USH2A: variants seen among roughly 807,000 people sequenced by gnomAD.
The protein encoded by USH2A is usherin.
Under a neutral mutation model 538.9 loss-of-function variants are expected in USH2A, and 443 were observed. The observed-to-expected ratio is 0.82, with a 90% confidence interval of 0.76 to 0.89. The LOEUF is 0.89. USH2A is among the 40% of genes least tolerant of loss of function. The probability of loss-of-function intolerance (pLI) is 0.00; values close to 1 mark genes in which losing one functional copy is unlikely to be tolerated. For synonymous variants in USH2A, 2,413 were observed against 2,273.5 expected (o/e 1.06, Z -1.75); for missense variants, 6,633 against 6,324.8 (o/e 1.05, Z -1.65).
chr1:215,838,126 A>C (rs1207179815), intron 46 of USH2A, 23 bp from the exon 47 acceptor site: 19 of 1,576,814 alleles, frequency 1.2e-5, no homozygotes, highest in African/African-American at 2.7e-5. Flanking sequence ...GTTTAGAAAA[A>C]ATAAATGCAA....
intron 11 of USH2A, among the ~76,000 whole-genome samples, chr1:216,269,610 G>A (rs2036538290): frequency 6.6e-6 from 1 of 152,102 alleles, no homozygotes; most frequent in Admixed American, 6.6e-5. Flanking sequence ...ACTCAATTAA[G>A]TTTAAGGCAT....
chr1:216,245,998 G>A (rs2036035787), intron 13 of USH2A, among the ~76,000 whole-genome samples: 1 of 152,162 alleles, frequency 6.6e-6, no homozygotes, highest in Non-Finnish European at 1.5e-5. Flanking sequence ...AATCTTAAAT[G>A]TAAGGAGAGC....
intron 64 of USH2A, among the ~76,000 whole-genome samples, chr1:215,658,854 G>A (rs1439484687): frequency 6.6e-6 from 1 of 152,164 alleles, no homozygotes; most frequent in African/African-American, 2.4e-5. Context: ...TACCCTAATG[G>A]ATATAGCATT....
chr1:215,719,002 G>T (rs1220037598), intron 61 of USH2A, among the ~76,000 whole-genome samples: 4 of 152,204 alleles, frequency 2.6e-5, no homozygotes, highest in Non-Finnish European at 5.9e-5. Flanking sequence ...CCAGAAAATA[G>T]CAACATACTT....
At position 216,421,927 on chromosome 1, in the gene USH2A, G is replaced by GA. The variant is rs1571805164; in HGVS notation, c.409dup (p.Ser137PhefsTer21). On this transcript the variant is annotated frameshift_variant, in exon 2 of 72. Coordinates refer to ENST00000307340, the MANE Select transcript of USH2A (RefSeq NM_206933.4). LOFTEE classifies it high-confidence loss of function. ...CATCAGCTTTGGAGAAGGAGGAGAA[G>GA]AAAAGCAGCTCTTGTGATTTCCAAA... 6.2e-7 allele frequency: 1 copy of GA among 1,613,960 alleles called. No homozygotes were observed. The highest frequency in any genetic ancestry group is 8.5e-7 in the Non-Finnish European group (1 of 1,179,898).
Position 215,675,467 on chromosome 1 carries a change from C to G in USH2A, c.12444G>C (p.Leu4148=), listed in dbSNP as rs982341026. 4 of 1,613,954 alleles carry G rather than the reference C, an allele frequency of 2.5e-6. No individual in the cohort carries two copies. Among genetic ancestry groups the G allele is most frequent in the African/African-American group, 1.3e-5 (1 of 74,906 alleles). Residue 4148 remains leucine (L), a synonymous_variant, in exon 63 of 72, where the codon CTG becomes CTC. Coordinates refer to ENST00000307340, the MANE Select transcript of USH2A (RefSeq NM_206933.4). ...AGCAHSAPQP[L]WTDEAPPDSQ... is the part of the protein sequence containing the mutation. ...AGTCTGGAGGGGCTTCATCTGTCCA[C>G]AGAGGCTGAGGCGCCGAGTGTGCAC...
chr1:216,054,154 TG>T (rs1424016874), intron 30 of USH2A, among the ~76,000 whole-genome samples: 1 of 152,166 alleles, frequency 6.6e-6, no homozygotes, highest in Non-Finnish European at 1.5e-5. Context: ...ACTTGACGGG[TG>T]ACTGAAAATT....
chr1:216,377,569 T>G (rs1184807156), intron 3 of USH2A, among the ~76,000 whole-genome samples: 1 of 151,896 alleles, frequency 6.6e-6, no homozygotes, highest in Non-Finnish European at 1.5e-5. Flanking sequence ...TGGTAATTAC[T>G]CTTGAAAATA....
intron 32 of USH2A, among the ~76,000 whole-genome samples, chr1:216,009,090 C>T (rs1308862164): frequency 2.0e-5 from 3 of 151,964 alleles, no homozygotes; most frequent in African/African-American, 7.3e-5. Flanking sequence ...CTTATCTCTG[C>T]ACCCCAATCC....
chr1:215,906,051 G>GTCATTGAC (rs1665632663), intron 38 of USH2A, among the ~76,000 whole-genome samples: 1 of 152,022 alleles, frequency 6.6e-6, no homozygotes, highest in South Asian at 2.1e-4. Flanking sequence ...GAGTCATTGA[G>GTCATTGAC]TCATGAACAA....
chr1:216,227,615 C>T (rs1288885893), intron 14 of USH2A, among the ~76,000 whole-genome samples: 2 of 152,072 alleles, frequency 1.3e-5, no homozygotes, highest in Middle Eastern at 3.2e-3. Flanking sequence ...GGCAAAAATA[C>T]ACAGGATTTT....
rs761091135 is a variant in USH2A at position 216,232,278 on chromosome 1, AGT to A, written c.2810-144_2810-143del. ...ACAAATGTGGTTATATCTGTCCTTC[AGT>A]GTGTCAATTATGACCAAAGAAAAAC... On this transcript the variant is annotated intron_variant, in intron 13 of 71. Coordinates refer to ENST00000307340, the MANE Select transcript of USH2A (RefSeq NM_206933.4). 8.0e-5 allele frequency: 78 copies of A among 980,682 alleles called. 3 individuals are homozygous for A. Among genetic ancestry groups the A allele is most frequent in the Admixed American group, 2.3e-4 (8 of 35,168 alleles). 60.7% of individuals were successfully genotyped at this position (980,682 alleles called of 1,614,324 possible).
chr1:215,631,167 G>A (rs923784596), intron 70 of USH2A, among the ~76,000 whole-genome samples: 2 of 152,084 alleles, frequency 1.3e-5, no homozygotes, highest in African/African-American at 2.4e-5. Context: ...TTCACAAGAC[G>A]GGTGCTTGGA....
At chr1:215,983,109 C>A (rs1419385344) in intron 35 of USH2A, among the ~76,000 whole-genome samples, 1 of 152,106 alleles carries the variant, frequency 6.6e-6, no homozygotes, top group Non-Finnish European at 1.5e-5. Flanking sequence ...TGCCACCATG[C>A]CCAGATAATT....
intron 27 of USH2A, among the ~76,000 whole-genome samples, chr1:216,076,544 A>G (rs1164180848): frequency 1.3e-5 from 2 of 152,020 alleles, no homozygotes; most frequent in Non-Finnish European, 2.9e-5. Flanking sequence ...CCAGAAGCAA[A>G]CAGGATTAAG....
intron 3 of USH2A, among the ~76,000 whole-genome samples, chr1:216,401,957 CTA>C (rs1386136721): frequency 2.0e-5 from 3 of 152,036 alleles, no homozygotes; most frequent in Non-Finnish European, 2.9e-5. Context: ...GTACTTAGTT[CTA>C]TTTATAAGAG....
intron 38 of USH2A, among the ~76,000 whole-genome samples, chr1:215,926,797 G>C (rs543949526): frequency 1.3e-5 from 2 of 151,840 alleles, no homozygotes; most frequent in South Asian, 4.2e-4. Context: ...TGGTAGCGAT[G>C]GGGTTTCTCT....
rs73094408 is a variant in USH2A at position 216,001,326 on chromosome 1, T to A, written c.6326-764A>T. ...TTTGAATGAATGAATAATTAATGAATGAAACGAGCTAGGTCTGAAAGATGA... is the reference window on the plus strand; with the variant it reads ...TTTGAATGAATGAATAATTAATGAAAGAAACGAGCTAGGTCTGAAAGATGA... On this transcript the variant is annotated intron_variant, in intron 32 of 71. Transcript: ENST00000307340. Among the ~76,000 whole-genome samples the A allele has an allele frequency of 2.5e-3, 376 of 152,200 alleles. 1 individual carries two copies. Among genetic ancestry groups the A allele is most frequent in the African/African-American group, 8.3e-3 (346 of 41,550 alleles).
At chr1:215,909,717 A>G (rs1246858615) in intron 38 of USH2A, among the ~76,000 whole-genome samples, 3 of 151,974 alleles carry the variant, frequency 2.0e-5, no homozygotes, top group Non-Finnish European at 4.4e-5. Flanking sequence ...GGCATCTCTG[A>G]TGAGGTTTTA....
Sources: allele counts gnomAD v4.1 joint callset (sites outside exome capture counted in the v4.1 genomes callset), GRCh38; gene constraint gnomAD v4.1.1; transcripts MANE v1.5; gene names NCBI Gene and HGNC (gene_info 2026-07-23, HGNC 2026-07-21).